HAUS2: variants seen among roughly 807,000 people sequenced by gnomAD.
HAUS2 encodes HAUS augmin-like complex subunit 2.
HAUS2 carries 20 observed loss-of-function variants against 21.6 expected under a neutral mutation model. That is an observed-to-expected ratio of 0.93 (90% CI 0.65 to 1.35). The LOEUF is 1.35. HAUS2 is among the 40% of genes most tolerant of loss of function. The pLI, the probability that HAUS2 is intolerant of heterozygous loss-of-function variation, is 0.00. For synonymous variants in HAUS2, 113 were observed against 95.6 expected, an observed-to-expected ratio of 1.18 and a Z score of -1.06; for missense variants, 297 against 280.7, an observed-to-expected ratio of 1.06 and a Z score of -0.42.
At position 42,562,911 on chromosome 15, in the gene HAUS2, G is replaced by C. The variant is rs1325292072; in HGVS notation, c.390-838G>C. ...ATCACTTGAGGCCAGCTGGGAGTTT[G>C]AGACCAGCTTGGCCAACATGACAAA... On this transcript the variant is annotated intron_variant, in intron 4 of 5. Transcript: ENST00000260372. Among the ~76,000 whole-genome samples, 4 of 152,038 alleles carry C rather than the reference G, an allele frequency of 2.6e-5. No individual in the cohort carries two copies. In the East Asian group the frequency reaches 7.8e-4, roughly 29 times the overall value.
At chr15:42,552,109 G>T (rs575727542) in intron 1 of HAUS2, among the ~76,000 whole-genome samples, 1 of 151,710 alleles carries the variant, frequency 6.6e-6, no homozygotes, top group East Asian at 1.9e-4. Context: ...TGCAACCTCC[G>T]CCTCCTTGGT....
In HAUS2 at chr15:42,563,654, T is replaced by C. The variant is rs2057873063; in HGVS notation, c.390-95T>C. 4.1e-6 allele frequency: 3 copies of C among 736,842 alleles called. No individual in the cohort carries two copies. The South Asian group carries it at 4.5e-5, about 11-fold the overall frequency. 45.6% of individuals were successfully genotyped at this position (736,842 alleles called of 1,614,324 possible). A position where few individuals can be genotyped will look rare whatever the true frequency, so the allele number is the denominator to read the frequency against. Reference sequence around the variant, plus strand: ...TGGCTCTCTAGGTTGATTGTAATTCTTATCTCAAATTAAAAGTCCTGATTA... The same window carrying C: ...TGGCTCTCTAGGTTGATTGTAATTCCTATCTCAAATTAAAAGTCCTGATTA... On this transcript the variant is annotated intron_variant, in intron 4 of 5. Coordinates refer to ENST00000260372, the MANE Select transcript of HAUS2 (RefSeq NM_018097.3).
At chr15:42,566,581 C>T (rs760187858) in intron 5 of HAUS2, 26 bp from the exon 6 acceptor site, 2 of 1,236,416 alleles carry the variant, frequency 1.6e-6, no homozygotes, top group Non-Finnish European at 2.4e-6. Context: ...CATAATTTCT[C>T]CTGTTTCCCT....
intron 1 of HAUS2, among the ~76,000 whole-genome samples, chr15:42,557,880 A>G (rs2057803905): frequency 6.6e-6 from 1 of 152,138 alleles, no homozygotes; most frequent in Non-Finnish European, 1.5e-5. Context: ...GTGATTCTCC[A>G]ACAAATTTAG....
intron 1 of HAUS2, among the ~76,000 whole-genome samples, chr15:42,555,579 C>T (rs2057764585): frequency 1.3e-5 from 2 of 151,986 alleles, no homozygotes; most frequent in African/African-American, 2.4e-5. Flanking sequence ...TACATCTTAC[C>T]CCTCTTTTCA....
chr15:42,561,371 G>A lies in HAUS2; in HGVS notation c.358G>A (p.Glu120Lys). 2 of 1,604,434 alleles carry A rather than the reference G, an allele frequency of 1.2e-6. No homozygotes were observed. Among genetic ancestry groups the A allele is most frequent in the South Asian group, 1.1e-5 (1 of 90,910 alleles). ...AAGACTGTTGAAACCCATGTGCCAG[G>A]AAAACTTACCTATTGAAGCTGTTTA... ...RQRLLKPMCQ[E>K]NLPIEAVYHR... The change falls in exon 4 of 6, where the codon GAA becomes AAA. Residue 120 changes from glutamate to lysine, a missense_variant. Physicochemically the swap from Glu to Lys is moderately conservative, Grantham distance 56. Transcript: ENST00000260372.
intron 5 of HAUS2, among the ~76,000 whole-genome samples, chr15:42,565,091 C>A (rs1281288144): frequency 6.6e-6 from 1 of 152,218 alleles, no homozygotes; most frequent in Non-Finnish European, 1.5e-5. Flanking sequence ...CCTGCCTCAG[C>A]CTCCCAAAGT....
At chr15:42,552,883 C>T (rs1471848878) in intron 1 of HAUS2, among the ~76,000 whole-genome samples, 1 of 152,056 alleles carries the variant, frequency 6.6e-6, no homozygotes, top group African/African-American at 2.4e-5. Context: ...TAATGTCCCT[C>T]AGCTAGAATT....
intron 1 of HAUS2, among the ~76,000 whole-genome samples, chr15:42,551,684 A>G (rs1056239974): frequency 2.0e-5 from 3 of 152,104 alleles, no homozygotes; most frequent in Non-Finnish European, 2.9e-5. Context: ...GTATCCCTCT[A>G]AAGAGCATTG....
At chr15:42,561,426 A>T (rs1566834481) in intron 4 of HAUS2, 24 bp downstream of exon 4, 3 of 1,536,596 alleles carry the variant, frequency 2.0e-6, no homozygotes, top group South Asian at 2.2e-5. Flanking sequence ...GTAGAAATTA[A>T]CAGTTACACC....
chr15:42,561,992 C>G (rs2057857888), intron 4 of HAUS2, among the ~76,000 whole-genome samples: 1 of 151,720 alleles, frequency 6.6e-6, no homozygotes, highest in Non-Finnish European at 1.5e-5. Flanking sequence ...GCCTGGACAA[C>G]ATGGCAAAAC....
intron 1 of HAUS2, among the ~76,000 whole-genome samples, chr15:42,553,406 G>A (rs1355774158): frequency 6.6e-6 from 1 of 151,912 alleles, no homozygotes; most frequent in East Asian, 1.9e-4. Flanking sequence ...TTTGGGGCAT[G>A]TAATAGCAAT....
intron 1 of HAUS2, among the ~76,000 whole-genome samples, chr15:42,549,230 A>T (rs932493295): frequency 1.3e-5 from 2 of 152,112 alleles, no homozygotes; most frequent in Non-Finnish European, 2.9e-5. Context: ...GTGGGAGATT[A>T]GACTGTTACC....
intron 1 of HAUS2, among the ~76,000 whole-genome samples, chr15:42,555,548 G>T (rs930807734): frequency 5.9e-5 from 9 of 152,196 alleles, no homozygotes; most frequent in Admixed American, 2.0e-4. Context: ...CTATGATTAT[G>T]TTGGAGACTA....
chr15:42,558,668 C>T (rs1330762583), intron 2 of HAUS2, among the ~76,000 whole-genome samples: 4 of 150,740 alleles, frequency 2.7e-5, no homozygotes, highest in Non-Finnish European at 5.9e-5. Flanking sequence ...AAAACAAAAA[C>T]AAAAGTTGGC....
Position 42,557,066 on chromosome 15 carries a change from G to A in HAUS2, c.94-1132G>A, listed in dbSNP as rs536766685. ...TCGGTGGCTCACGCCTGTAATCGCA[G>A]CATTTTGGGAGGCCTAGGTGGGCAG... On this transcript the variant is annotated intron_variant, in intron 1 of 5. Transcript: ENST00000260372. Among the ~76,000 whole-genome samples, 9 of 150,930 alleles carry A rather than the reference G, an allele frequency of 6.0e-5. No individual in the cohort carries two copies. The East Asian group carries it at 9.8e-4, about 16-fold the overall frequency.
At chr15:42,557,970 G>A (rs2057804540) in intron 1 of HAUS2, among the ~76,000 whole-genome samples, 1 of 151,844 alleles carries the variant, frequency 6.6e-6, no homozygotes, top group Non-Finnish European at 1.5e-5. Flanking sequence ...AAGGGAGTGT[G>A]TTGTTTGTTT....
intron 1 of HAUS2, among the ~76,000 whole-genome samples, chr15:42,554,233 A>G (rs1055465863): frequency 3.3e-5 from 5 of 151,378 alleles, no homozygotes; most frequent in African/African-American, 9.7e-5. Context: ...TCTCCAGTCT[A>G]TTTCTCCACT....
chr15:42,554,872 G>C (rs1358072476), intron 1 of HAUS2, among the ~76,000 whole-genome samples: 1 of 151,804 alleles, frequency 6.6e-6, no homozygotes, highest in Non-Finnish European at 1.5e-5. Flanking sequence ...TGTTGCCCAG[G>C]CTGGAGTTGC....
Sources: allele counts gnomAD v4.1 joint callset (sites outside exome capture counted in the v4.1 genomes callset), GRCh38; gene constraint gnomAD v4.1.1; transcripts MANE v1.5; gene names NCBI Gene and HGNC (gene_info 2026-07-23, HGNC 2026-07-21).